USH2A: variants seen among roughly 807,000 people sequenced by gnomAD.
USH2A encodes the protein Usher syndrome 2A (autosomal recessive, mild).
USH2A carries 443 observed loss-of-function variants against 538.9 expected under a neutral mutation model. That is an observed-to-expected ratio of 0.82 (90% CI 0.76 to 0.89). The LOEUF (loss-of-function observed/expected upper bound fraction) is 0.89, where lower values mean the gene tolerates loss of function less well. Among genes scored for constraint, USH2A ranks in the 40% least tolerant of loss-of-function variants. The pLI, the probability that USH2A is intolerant of heterozygous loss-of-function variation, is 0.00. For synonymous variants in USH2A, 2,413 were observed against 2,273.5 expected, an observed-to-expected ratio of 1.06 and a Z score of -1.75; for missense variants, 6,633 against 6,324.8, an observed-to-expected ratio of 1.05 and a Z score of -1.65.
At position 215,758,722 on chromosome 1, in the gene USH2A, T is replaced by C; in HGVS notation, c.11262A>G (p.Gly3754=). 6.2e-7 allele frequency: 1 copy of C among 1,613,980 alleles called. No homozygotes were observed. ...RYTYKLEVKT[G]GGSSASDDYI... ...AATCATCACTAGCACTGCTGCCACC[T>C]CCAGTTTTGACTTCTAACTTGTAAG... The change falls in exon 58 of 72, where the codon GGA becomes GGG. Residue 3754 remains glycine (G), a synonymous_variant. Transcript: ENST00000307340.
intron 35 of USH2A, among the ~76,000 whole-genome samples, chr1:215,974,079 TAC>T (rs954060428): frequency 3.3e-5 from 5 of 151,550 alleles, no homozygotes; most frequent in African/African-American, 9.7e-5. Flanking sequence ...ATTATATTGA[TAC>T]ACACACACAC....
In USH2A at chr1:216,070,087, A is replaced by C. The variant is rs1227473524; in HGVS notation, c.6049+14T>G. ...AAGTTAATAGGGTCTACTCTGTTAA[A>C]GGATTGCATTTACCTGTGAGGTTGC... On this transcript the variant is annotated intron_variant, in intron 30 of 71. Transcript: ENST00000307340. 1.2e-6 allele frequency: 2 copies of C among 1,613,754 alleles called. No homozygotes were observed. Among genetic ancestry groups the C allele is most frequent in the Non-Finnish European group, 1.7e-6 (2 of 1,179,762 alleles).
At position 215,624,488 on chromosome 1, in the gene USH2A, C is replaced by T. The variant is rs1308701005; in HGVS notation, c.*1293G>A. The T allele has an allele frequency of 6.6e-6, 1 of 152,096 alleles. No individual in the cohort carries two copies. Among genetic ancestry groups the T allele is most frequent in the Non-Finnish European group, 1.5e-5 (1 of 67,998 alleles). 9.4% of individuals were successfully genotyped at this position (152,096 alleles called of 1,614,324 possible). A position where few individuals can be genotyped will look rare whatever the true frequency, so the allele number is the denominator to read the frequency against. Reference sequence around the variant, plus strand: ...TGTGTTAGACAGAGTCAATATTTTCCTGGGGTCACAAAGACCTTTAAGGAT... The same window carrying T: ...TGTGTTAGACAGAGTCAATATTTTCTTGGGGTCACAAAGACCTTTAAGGAT... On this transcript the variant is annotated 3_prime_UTR_variant, in exon 72 of 72. Coordinates refer to ENST00000307340, the MANE Select transcript of USH2A (RefSeq NM_206933.4).
At chr1:216,283,937 A>T (rs2036833740) in intron 11 of USH2A, among the ~76,000 whole-genome samples, 1 of 152,092 alleles carries the variant, frequency 6.6e-6, no homozygotes, top group Non-Finnish European at 1.5e-5. Context: ...TGTTGGTGCC[A>T]TAGCTTGGAT....
At chr1:216,374,404 C>A (rs1204959388) in intron 3 of USH2A, among the ~76,000 whole-genome samples, 1 of 151,780 alleles carries the variant, frequency 6.6e-6, no homozygotes, top group Non-Finnish European at 1.5e-5. Context: ...CTAATTTTTC[C>A]TCATGATTAA....
At chr1:215,799,685 G>A (rs1662262170) in intron 49 of USH2A, among the ~76,000 whole-genome samples, 1 of 151,982 alleles carries the variant, frequency 6.6e-6, no homozygotes, top group South Asian at 2.1e-4. Context: ...GGGAAATTTG[G>A]GATAAGAATA....
intron 30 of USH2A, among the ~76,000 whole-genome samples, chr1:216,060,681 T>C (rs2031147147): frequency 6.6e-6 from 1 of 152,246 alleles, no homozygotes; most frequent in Non-Finnish European, 1.5e-5. Flanking sequence ...ATATTTTGTA[T>C]ACACCAATTA....
chr1:215,872,316 A>T (rs187384460), intron 43 of USH2A, among the ~76,000 whole-genome samples: 94 of 152,330 alleles, frequency 6.2e-4, no homozygotes, highest in Admixed American at 1.4e-3. Context: ...CTATTTGTTG[A>T]TTCTAAAAAT....
chr1:216,246,682 G>T lies in USH2A; in HGVS notation c.2712C>A (p.Ser904=). The T allele has an allele frequency of 1.2e-6, 2 of 1,614,124 alleles. No individual in the cohort carries two copies. The highest frequency in any genetic ancestry group is 1.7e-6 in the Non-Finnish European group (2 of 1,179,982). The part of the protein sequence containing the change: ...FQHCQMCECD[S]LGTLPGTICD... ...AAATGGTCCCAGGTAATGTCCCCAA[G>T]GAATCACACTCACACATCTGGCAGT... Residue 904 remains serine, a synonymous_variant, in exon 13 of 72, where the codon TCC becomes TCA. Transcript: ENST00000307340.
chr1:216,325,272 G>A (rs764634350), intron 6 of USH2A, 33 bp downstream of exon 6: 19 of 1,610,700 alleles, frequency 1.2e-5, no homozygotes, highest in Non-Finnish European at 1.5e-5. Context: ...ATAACCACAG[G>A]AAATTAATGT....
At chr1:216,077,665 T>C (rs974845058) in intron 27 of USH2A, among the ~76,000 whole-genome samples, 1 of 149,260 alleles carries the variant, frequency 6.7e-6, no homozygotes, top group Non-Finnish European at 1.5e-5. Flanking sequence ...TAAATAAATA[T>C]ATAAATTACT....
In USH2A at chr1:215,634,716, G is replaced by C; in HGVS notation, c.15053-13C>G. On this transcript the variant is annotated splice_polypyrimidine_tract_variant and intron_variant, in intron 69 of 71. Transcript: ENST00000307340. ...GTTAGGACCAAGCCTGCAAAACCCA[G>C]AGAAAGAAAGGGGAAATGTTATTTC... is the stretch of plus-strand genomic sequence containing the variant. 1 of 1,614,186 alleles carries C rather than the reference G, an allele frequency of 6.2e-7. No individual in the cohort carries two copies. Among genetic ancestry groups the C allele is most frequent in the Middle Eastern group, 1.6e-4 (1 of 6,062 alleles).
chr1:215,796,583 C>T (rs1001593341), intron 50 of USH2A, among the ~76,000 whole-genome samples: 1 of 152,074 alleles, frequency 6.6e-6, no homozygotes, highest in Admixed American at 6.6e-5. Context: ...ACCAGCCGTT[C>T]CTTTATCTTT....
chr1:215,640,557 CTT>C lies in USH2A; in HGVS notation c.14967_14968del (p.Lys4989AsnfsTer11), dbSNP rs781625683. On this transcript the variant is annotated frameshift_variant and splice_region_variant, in exon 68 of 72. Coordinates refer to ENST00000307340, the MANE Select transcript of USH2A (RefSeq NM_206933.4). LOFTEE classifies it high-confidence loss of function. ...CTGAGAAACAGGAGTCAGAAACTAA[CTT>C]TTGTCCGCCGTTCTCGGTATGTAGA... 6.2e-7 allele frequency: 1 copy of C among 1,613,702 alleles called. No homozygotes were observed. The highest frequency in any genetic ancestry group is 1.1e-5 in the South Asian group (1 of 91,014).
chr1:216,323,825 T>C (rs2037668799), intron 7 of USH2A, 130 bp from the exon 8 acceptor site: 5 of 857,640 alleles, frequency 5.8e-6, no homozygotes, highest in South Asian at 1.6e-5. Flanking sequence ...AAAAGCATAT[T>C]CCATATATTT....
intron 21 of USH2A, among the ~76,000 whole-genome samples, chr1:216,144,797 T>G (rs557290684): frequency 6.6e-6 from 1 of 152,300 alleles, no homozygotes; most frequent in African/African-American, 2.4e-5. Context: ...TATCTATCTC[T>G]GAATGCCATC....
chr1:215,992,632 T>C (rs1207110936), intron 35 of USH2A, among the ~76,000 whole-genome samples: 3 of 152,204 alleles, frequency 2.0e-5, no homozygotes, highest in South Asian at 2.1e-4. Flanking sequence ...TTTGACACAA[T>C]ATGTACATGA....
At chr1:216,166,553 G>C (rs992983086) in intron 21 of USH2A, among the ~76,000 whole-genome samples, 9 of 152,150 alleles carry the variant, frequency 5.9e-5, no homozygotes, top group African/African-American at 4.8e-5. Flanking sequence ...CATAGGTCTG[G>C]ACTAGGCAGT....
chr1:216,068,969 G>A (rs1036032309), intron 30 of USH2A, among the ~76,000 whole-genome samples: 2 of 152,250 alleles, frequency 1.3e-5, no homozygotes, highest in East Asian at 1.9e-4. Context: ...GCTGTCAGCT[G>A]AGTGGGATGA....
Sources: gnomAD v4.1 joint callset for allele counts (sites outside exome capture counted in the v4.1 genomes callset) on GRCh38, gnomAD v4.1.1 for gene constraint, MANE v1.5 for transcripts, NCBI Gene and HGNC (gene_info 2026-07-23, HGNC 2026-07-21) for gene names.